The following ROCK1 variants were observed in gnomAD, a reference collection of about 807,000 sequenced individuals.
ROCK1 encodes the protein rho-associated protein kinase 1.
In ROCK1, 36 loss-of-function variants were observed where a neutral mutation model predicts 196.8. That is an observed-to-expected ratio of 0.18 (90% CI 0.14 to 0.24). The LOEUF (loss-of-function observed/expected upper bound fraction) is 0.24, where lower values mean the gene tolerates loss of function less well. Among genes scored for constraint, ROCK1 ranks in the 10% least tolerant of loss-of-function variants. The pLI, the probability that ROCK1 is intolerant of heterozygous loss-of-function variation, is 1.00. For missense variants in ROCK1, 920 were observed against 1,562.0 expected, an observed-to-expected ratio of 0.59 and a Z score of 6.93; for synonymous variants, 443 against 515.9, an observed-to-expected ratio of 0.86 and a Z score of 1.91.
At chr18:21,041,993 A>G in intron 8 of ROCK1, 104 bp downstream of exon 8, 1 of 1,067,008 alleles carries the variant, frequency 9.4e-7, no homozygotes, top group Non-Finnish European at 1.4e-6. Context: ...TGTCATTTAT[A>G]TTCTAACAAT....
At chr18:21,025,829 A>G (rs1278267105) in intron 10 of ROCK1, among the ~76,000 whole-genome samples, 6 of 152,314 alleles carry the variant, frequency 3.9e-5, no homozygotes, top group Non-Finnish European at 7.3e-5. Flanking sequence ...AAAAAATACT[A>G]TATTTATTTG....
rs1333460384 is a variant in ROCK1 at position 21,008,106 on chromosome 18, C to T, written c.1499G>A (p.Arg500Lys). Reference protein sequence around the residue: ...LLQHRINEYQRKAEQENEKRR... With the variant: ...LLQHRINEYQKKAEQENEKRR... ...CTTCTCATTTTCCTGTTCAGCTTTT[C>T]TTTGGTACTCATTAATTCTATGCTG... The change falls in exon 14 of 33, where the codon AGA (arginine) becomes AAA (lysine). Residue 500 changes from arginine to lysine, a missense_variant. By Grantham distance (26) the Arg-to-Lys change is conservative. Transcript: ENST00000399799. 1 of 1,605,622 alleles carries T rather than the reference C, an allele frequency of 6.2e-7. No individual in the cohort carries two copies. The highest frequency in any genetic ancestry group is 8.5e-7 in the Non-Finnish European group (1 of 1,175,174).
intron 22 of ROCK1, among the ~76,000 whole-genome samples, chr18:20,972,237 A>AC (rs1010435068): frequency 1.3e-5 from 2 of 152,202 alleles, no homozygotes; most frequent in Admixed American, 1.3e-4. Flanking sequence ...GAAAAAAAGA[A>AC]GAGTCTAGGA....
At chr18:20,952,557 C>T (rs1322851030) in intron 32 of ROCK1, among the ~76,000 whole-genome samples, 5 of 152,100 alleles carry the variant, frequency 3.3e-5, no homozygotes, top group African/African-American at 1.2e-4. Context: ...GCATGCAGAT[C>T]ATTTGAGGTC....
chr18:20,998,371 T>C (rs2035691146), intron 16 of ROCK1, among the ~76,000 whole-genome samples: 1 of 152,070 alleles, frequency 6.6e-6, no homozygotes, highest in South Asian at 2.1e-4. Context: ...AACAACTTAA[T>C]GATACATCTT....
chr18:21,094,200 G>C (rs766719283), intron 1 of ROCK1, among the ~76,000 whole-genome samples: 29 of 152,178 alleles, frequency 1.9e-4, no homozygotes, highest in Non-Finnish European at 2.8e-4. Context: ...AGAACACAGA[G>C]AATGAGCCTT....
chr18:21,044,625 C>T (rs1413743365), intron 5 of ROCK1, among the ~76,000 whole-genome samples: 2 of 152,116 alleles, frequency 1.3e-5, no homozygotes, highest in African/African-American at 4.8e-5. Flanking sequence ...TGAAACTATT[C>T]GTCTAATGAA....
intron 1 of ROCK1, among the ~76,000 whole-genome samples, chr18:21,090,550 G>T (rs945433508): frequency 5.3e-5 from 8 of 152,092 alleles, no homozygotes; most frequent in Non-Finnish European, 7.4e-5. Flanking sequence ...TACTGGGGTG[G>T]GGAGCAGAAT....
intron 15 of ROCK1, 37 bp downstream of exon 15, chr18:21,006,662 A>C: frequency 6.3e-7 from 1 of 1,582,292 alleles, no homozygotes; most frequent in Non-Finnish European, 8.5e-7. Context: ...AATTATCTAC[A>C]ATTTTTTTAA....
intron 16 of ROCK1, among the ~76,000 whole-genome samples, chr18:21,004,815 T>C (rs2143434106): frequency 6.6e-6 from 1 of 152,356 alleles, no homozygotes; most frequent in East Asian, 1.9e-4. Flanking sequence ...GACTTTCCTA[T>C]TACATATAAA....
intron 27 of ROCK1, among the ~76,000 whole-genome samples, chr18:20,965,666 T>A (rs1246041303): frequency 6.6e-6 from 1 of 152,152 alleles, no homozygotes; most frequent in African/African-American, 2.4e-5. Flanking sequence ...AGCTACAGGT[T>A]CTTATTAAAT....
At chr18:21,051,760 ACAGAGCCTCATCTACTT>A (rs2036205743) in intron 2 of ROCK1, among the ~76,000 whole-genome samples, 1 of 152,202 alleles carries the variant, frequency 6.6e-6, no homozygotes, top group Non-Finnish European at 1.5e-5. Context: ...CAGAGAAGAG[ACAGAGCCTCATCTACTT>A]CAGGCTCTTC....
chr18:21,050,344 TAAAA>T (rs202007611), intron 2 of ROCK1, among the ~76,000 whole-genome samples: 1 of 136,560 alleles, frequency 7.3e-6, no homozygotes, highest in South Asian at 2.3e-4. Flanking sequence ...GCAAACACAC[TAAAA>T]AAAAAAAAAA....
At position 20,947,220 on chromosome 18, in the gene ROCK1, A is replaced by T. The variant is rs1312629664; in HGVS notation, c.*4164T>A. ...GTGGAATTAATGTTATTCTTTTCCT[A>T]CCTCACAAAAATCTGAGTTACATAT... On this transcript the variant is annotated 3_prime_UTR_variant, in exon 33 of 33. Coordinates refer to ENST00000399799, the MANE Select transcript of ROCK1 (RefSeq NM_005406.3). 8 of 152,090 alleles carry T rather than the reference A, an allele frequency of 5.3e-5. No individual in the cohort carries two copies. The East Asian group carries it at 1.5e-3, about 29-fold the overall frequency. The allele number at this position is 152,090 out of a possible 1,614,324, so 9.4% of individuals were successfully genotyped here.
rs529863254 is a variant in ROCK1 at position 21,032,281 on chromosome 18, C to T, written c.1052-3346G>A. 2.0e-5 allele frequency among the ~76,000 whole-genome samples: 3 copies of T among 152,036 alleles called. No homozygotes were observed. The South Asian group carries it at 6.2e-4, about 32-fold the overall frequency. On this transcript the variant is annotated intron_variant, in intron 9 of 32. Transcript: ENST00000399799. ...TAAACAGAAGCAGGTTTTTAAGCTA[C>T]TCAAAGTAAACTGGTATCAATTCAA...
chr18:21,071,814 C>T (rs1197338830), intron 1 of ROCK1, among the ~76,000 whole-genome samples: 1 of 152,056 alleles, frequency 6.6e-6, no homozygotes, highest in Admixed American at 6.5e-5. Flanking sequence ...TTACATGATA[C>T]CGTTGGGAGA....
intron 22 of ROCK1, among the ~76,000 whole-genome samples, chr18:20,979,513 T>C (rs2035510777): frequency 6.6e-6 from 1 of 151,618 alleles, no homozygotes; most frequent in African/African-American, 2.4e-5. Flanking sequence ...TCCCAGCTAC[T>C]CAGGAGGCTG....
At chr18:21,036,196 T>C (rs905773529) in intron 9 of ROCK1, among the ~76,000 whole-genome samples, 7 of 152,234 alleles carry the variant, frequency 4.6e-5, no homozygotes, top group Non-Finnish European at 7.3e-5. Context: ...AAAGCCCACA[T>C]TGATAATCTC....
intron 1 of ROCK1, among the ~76,000 whole-genome samples, chr18:21,072,677 A>G (rs2036395366): frequency 6.6e-6 from 1 of 152,220 alleles, no homozygotes; most frequent in Non-Finnish European, 1.5e-5. Flanking sequence ...CAAAGGATAT[A>G]CTTCCACTGA....
Sources: allele counts gnomAD v4.1 joint callset (sites outside exome capture counted in the v4.1 genomes callset), GRCh38; gene constraint gnomAD v4.1.1; transcripts MANE v1.5; gene names NCBI Gene and HGNC (gene_info 2026-07-23, HGNC 2026-07-21).